POC1A: variants seen among roughly 807,000 people sequenced by gnomAD.
POC1A encodes POC1 centriolar protein A.
POC1A carries 34 observed loss-of-function variants against 47.8 expected under a neutral mutation model. The ratio of observed to expected loss-of-function variants is 0.71; its 90% CI spans 0.54 to 0.95. The LOEUF (loss-of-function observed/expected upper bound fraction) is 0.95. Among genes scored for constraint, POC1A ranks in the 40% least tolerant of loss-of-function variants. The pLI is 0.00. For synonymous variants in POC1A, 177 were observed against 207.6 expected (o/e 0.85, Z 1.27); for missense variants, 466 against 528.3 (o/e 0.88, Z 1.16).
intron 9 of POC1A, among the ~76,000 whole-genome samples, chr3:52,119,408 T>TC (rs1559831877): frequency 2.0e-5 from 3 of 151,624 alleles, no homozygotes; most frequent in Non-Finnish European, 2.9e-5. Context: ...TTTTTTTTTT[T>TC]CCCAGAGACA....
intron 9 of POC1A, among the ~76,000 whole-genome samples, chr3:52,109,320 C>T (rs1417465628): frequency 6.6e-6 from 1 of 152,084 alleles, no homozygotes; most frequent in Non-Finnish European, 1.5e-5. Flanking sequence ...TTTAAAACCA[C>T]TCAAACTCTT....
At chr3:52,153,199 A>C (rs1252314237) in intron 1 of POC1A, among the ~76,000 whole-genome samples, 1 of 152,254 alleles carries the variant, frequency 6.6e-6, no homozygotes, top group African/African-American at 2.4e-5. Context: ...AAAACACCAG[A>C]GAGAATACTC....
intron 9 of POC1A, among the ~76,000 whole-genome samples, chr3:52,097,153 C>G (rs1385897628): frequency 1.3e-5 from 2 of 152,250 alleles, no homozygotes; most frequent in Non-Finnish European, 2.9e-5. Context: ...ACTCTAATTC[C>G]CCACCCTTCA....
intron 10 of POC1A, among the ~76,000 whole-genome samples, chr3:52,083,137 C>T (rs983420290): frequency 2.0e-5 from 3 of 152,082 alleles, no homozygotes; most frequent in Non-Finnish European, 2.9e-5. Flanking sequence ...GATGGGGACT[C>T]GGGCATCTGG....
At chr3:52,152,280 A>C (rs1698581904) in intron 1 of POC1A, among the ~76,000 whole-genome samples, 3 of 152,148 alleles carry the variant, frequency 2.0e-5, no homozygotes, top group South Asian at 4.1e-4. Context: ...GACTAAAAAA[A>C]AGTAGTTAGC....
chr3:52,086,579 C>T (rs1001899842), intron 10 of POC1A, among the ~76,000 whole-genome samples: 5 of 152,346 alleles, frequency 3.3e-5, no homozygotes, highest in African/African-American at 7.2e-5. Context: ...TGCGTACACA[C>T]GCAGGACCCT....
At chr3:52,118,279 T>C (rs1036597369) in intron 9 of POC1A, among the ~76,000 whole-genome samples, 1 of 151,984 alleles carries the variant, frequency 6.6e-6, no homozygotes, top group Admixed American at 6.6e-5. Context: ...TAGAGAAGGT[T>C]CCCCAGCCAC....
At chr3:52,098,909 C>A (rs1046931358) in intron 9 of POC1A, among the ~76,000 whole-genome samples, 15 of 152,254 alleles carry the variant, frequency 9.9e-5, no homozygotes, top group African/African-American at 3.6e-4. Flanking sequence ...GATATGGACC[C>A]TTGGGCTCAA....
chr3:52,106,698 G>C (rs1577847124), intron 9 of POC1A, among the ~76,000 whole-genome samples: 1 of 152,168 alleles, frequency 6.6e-6, no homozygotes, highest in African/African-American at 2.4e-5. Context: ...ACAGGTGCCT[G>C]TCATCCTATT....
chr3:52,082,012 C>T (rs1047375436), intron 10 of POC1A, among the ~76,000 whole-genome samples: 7 of 151,906 alleles, frequency 4.6e-5, no homozygotes, highest in Non-Finnish European at 4.4e-5. Context: ...AGGCAGAAGA[C>T]GGGCTCCAGA....
intron 7 of POC1A, among the ~76,000 whole-genome samples, chr3:52,135,494 C>T (rs1352106541): frequency 6.6e-6 from 1 of 152,184 alleles, no homozygotes; most frequent in Admixed American, 6.5e-5. Flanking sequence ...AGCAATCTTC[C>T]CACTTCAGCC....
chr3:52,116,051 G>A (rs576457954), intron 9 of POC1A, among the ~76,000 whole-genome samples: 26 of 152,192 alleles, frequency 1.7e-4, no homozygotes, highest in Non-Finnish European at 3.2e-4. Flanking sequence ...TGAGGCAGAT[G>A]AGGTGGAAAT....
chr3:52,093,792 C>A (rs545383650), intron 10 of POC1A, among the ~76,000 whole-genome samples: 3 of 152,324 alleles, frequency 2.0e-5, no homozygotes, highest in African/African-American at 7.2e-5. Context: ...AGATTGGGTC[C>A]CTGACCCTCA....
intron 4 of POC1A, among the ~76,000 whole-genome samples, chr3:52,149,009 T>C (rs1698462431): frequency 6.6e-6 from 1 of 152,218 alleles, no homozygotes. Context: ...ATGTCATGCA[T>C]CAGCTCCATG....
At chr3:52,149,450 C>T in intron 3 of POC1A, 61 bp from the exon 4 acceptor site, 2 of 1,488,000 alleles carry the variant, frequency 1.3e-6, no homozygotes, top group East Asian at 2.3e-5. Flanking sequence ...AGCCCACAAG[C>T]ACATCAAAGC....
chr3:52,125,569 C>A (rs1208553132), intron 7 of POC1A, among the ~76,000 whole-genome samples: 1 of 152,054 alleles, frequency 6.6e-6, no homozygotes, highest in Non-Finnish European at 1.5e-5. Context: ...GAACTTGGTC[C>A]CTTTGACCCA....
chr3:52,092,019 G>T (rs1465724798), intron 10 of POC1A, among the ~76,000 whole-genome samples: 1 of 152,202 alleles, frequency 6.6e-6, no homozygotes, highest in Admixed American at 6.5e-5. Context: ...AACTCAAGGA[G>T]GAACAGTTGC....
At chr3:52,125,613 T>G (rs563246236) in intron 7 of POC1A, among the ~76,000 whole-genome samples, 1 of 152,156 alleles carries the variant, frequency 6.6e-6, no homozygotes, top group South Asian at 2.1e-4. Flanking sequence ...TCCCCAACAC[T>G]GCACAGTTGC....
intron 10 of POC1A, among the ~76,000 whole-genome samples, chr3:52,092,036 C>T (rs770561903): frequency 2.6e-5 from 4 of 152,216 alleles, no homozygotes; most frequent in Non-Finnish European, 5.9e-5. Flanking sequence ...TTGCTCCCCA[C>T]AGCTGGTGGG....
Sources: allele counts gnomAD v4.1 joint callset (sites outside exome capture counted in the v4.1 genomes callset), GRCh38; gene constraint gnomAD v4.1.1; transcripts MANE v1.5; gene names NCBI Gene and HGNC (gene_info 2026-07-23, HGNC 2026-07-21).